STAC: variants seen among roughly 807,000 people sequenced by gnomAD.
STAC encodes SH3 and cysteine-rich domain-containing protein.
STAC carries 43 observed loss-of-function variants against 48.8 expected under a neutral mutation model. The ratio of observed to expected loss-of-function variants is 0.88; its 90% CI spans 0.69 to 1.14. STAC has a LOEUF of 1.14. Ranked by LOEUF, STAC falls within the 50% of genes most tolerant of loss-of-function variation. The pLI, the probability that STAC is intolerant of heterozygous loss-of-function variation, is 0.00. For missense variants in STAC, 497 were observed against 504.0 expected, an observed-to-expected ratio of 0.99 and a Z score of 0.13; for synonymous variants, 193 against 179.5, an observed-to-expected ratio of 1.07 and a Z score of -0.60.
intron 1 of STAC, among the ~76,000 whole-genome samples, chr3:36,388,675 A>G (rs184518777): frequency 2.3e-3 from 356 of 152,064 alleles, no homozygotes; most frequent in Non-Finnish European, 3.8e-3. Flanking sequence ...GAAGAAATCT[A>G]TTTTTTCCCA....
At chr3:36,385,377 T>C (rs1462531051) in intron 1 of STAC, among the ~76,000 whole-genome samples, 1 of 152,156 alleles carries the variant, frequency 6.6e-6, no homozygotes, top group Non-Finnish European at 1.5e-5. Context: ...TATTTGTATA[T>C]GTTTCTGATC....
intron 10 of STAC, among the ~76,000 whole-genome samples, chr3:36,541,945 G>A (rs1288187271): frequency 1.3e-5 from 2 of 152,100 alleles, no homozygotes; most frequent in Admixed American, 6.5e-5. Flanking sequence ...TTATCAGTAT[G>A]GGAAGAAAAT....
chr3:36,507,313 C>T (rs568909080), intron 8 of STAC, among the ~76,000 whole-genome samples: 1 of 152,076 alleles, frequency 6.6e-6, no homozygotes, highest in South Asian at 2.1e-4. Flanking sequence ...CTGCTGGATT[C>T]GGTTTGCCAG....
At chr3:36,538,118 A>C (rs578261093) in intron 10 of STAC, among the ~76,000 whole-genome samples, 26 of 152,178 alleles carry the variant, frequency 1.7e-4, no homozygotes, top group African/African-American at 6.3e-4. Flanking sequence ...TTCATGTCAA[A>C]CTTTTAATTC....
At chr3:36,413,205 G>C (rs1003674598) in intron 1 of STAC, among the ~76,000 whole-genome samples, 1 of 152,172 alleles carries the variant, frequency 6.6e-6, no homozygotes, top group Admixed American at 6.5e-5. Context: ...TTGGTGCAGA[G>C]CTGAGTTCAA....
intron 1 of STAC, among the ~76,000 whole-genome samples, chr3:36,398,924 T>G (rs1436589763): frequency 6.6e-6 from 1 of 152,142 alleles, no homozygotes; most frequent in African/African-American, 2.4e-5. Flanking sequence ...ATATAATTCA[T>G]GGAAGGTGTG....
At chr3:36,483,730 T>G (rs936455444) in intron 3 of STAC, among the ~76,000 whole-genome samples, 1 of 152,156 alleles carries the variant, frequency 6.6e-6, no homozygotes, top group Non-Finnish European at 1.5e-5. Flanking sequence ...GGTGGGTTGA[T>G]CCCTTAAGCC....
chr3:36,527,421 C>T (rs1356882503), intron 8 of STAC, among the ~76,000 whole-genome samples: 1 of 152,010 alleles, frequency 6.6e-6, no homozygotes, highest in African/African-American at 2.4e-5. Context: ...CCCTTAGAAA[C>T]TATTTTTTTC....
At chr3:36,489,134 G>A (rs1166706614) in intron 5 of STAC, among the ~76,000 whole-genome samples, 1 of 152,088 alleles carries the variant, frequency 6.6e-6, no homozygotes, top group Non-Finnish European at 1.5e-5. Flanking sequence ...CTTTCTTATA[G>A]AATATATATG....
At chr3:36,432,204 C>T (rs1221902835) in intron 1 of STAC, among the ~76,000 whole-genome samples, 1 of 152,228 alleles carries the variant, frequency 6.6e-6, no homozygotes, top group Non-Finnish European at 1.5e-5. Flanking sequence ...CACAACAAAT[C>T]TGCAGGGAAC....
chr3:36,495,422 T>C (rs1443325375), intron 6 of STAC, among the ~76,000 whole-genome samples: 1 of 152,200 alleles, frequency 6.6e-6, no homozygotes, highest in Non-Finnish European at 1.5e-5. Context: ...CTTCCCACAG[T>C]TGTCTCTGCT....
chr3:36,405,114 C>G (rs908520908), intron 1 of STAC, among the ~76,000 whole-genome samples: 1 of 152,092 alleles, frequency 6.6e-6, no homozygotes, highest in African/African-American at 2.4e-5. Context: ...TCAGGAGATC[C>G]CTGTGCCAGC....
At chr3:36,451,203 A>G (rs9917806) in intron 2 of STAC, among the ~76,000 whole-genome samples, 106,769 of 151,910 alleles carry the variant, frequency 0.7, 38,073 homozygotes, top group African/African-American at 0.82. Context: ...CTTTCGGCAG[A>G]TATATAATAT....
chr3:36,439,314 C>T (rs1696251955), intron 1 of STAC, among the ~76,000 whole-genome samples: 1 of 152,192 alleles, frequency 6.6e-6, no homozygotes, highest in Admixed American at 6.5e-5. Context: ...ATTCCTAGCT[C>T]CTTGGTTCCC....
At chr3:36,413,410 T>C (rs1310876949) in intron 1 of STAC, among the ~76,000 whole-genome samples, 1 of 152,228 alleles carries the variant, frequency 6.6e-6, no homozygotes, top group Non-Finnish European at 1.5e-5. Context: ...GTTGAATTGA[T>C]CCCTTTACCA....
intron 10 of STAC, among the ~76,000 whole-genome samples, chr3:36,534,246 T>C (rs185916622): frequency 1.3e-5 from 2 of 152,276 alleles, no homozygotes; most frequent in Non-Finnish European, 2.9e-5. Context: ...TCTCTTGAAC[T>C]TGATGTGAGA....
intron 1 of STAC, among the ~76,000 whole-genome samples, chr3:36,398,320 CAAGAAAGAAAGAAAGAAAGAAAGA>C (rs71288102): frequency 3.6e-5 from 3 of 82,244 alleles, no homozygotes; most frequent in Middle Eastern, 7.1e-3. Context: ...AGAAAGAAAG[CAAGAAAGAAAGAAAGAAAGAAAGA>C]AAGAAAGAAA....
At chr3:36,504,517 C>T in intron 7 of STAC, 60 bp downstream of exon 7, 1 of 1,487,520 alleles carries the variant, frequency 6.7e-7, no homozygotes, top group African/African-American at 1.4e-5. Context: ...ACCTGCAGGT[C>T]ACCATCCAAG....
At chr3:36,452,535 C>G (rs114961705) in intron 2 of STAC, among the ~76,000 whole-genome samples, 2 of 151,936 alleles carry the variant, frequency 1.3e-5, no homozygotes, top group Non-Finnish European at 2.9e-5. Context: ...TAATAGTTGG[C>G]CAATATGAAT....
Sources: gnomAD v4.1 joint callset for allele counts (sites outside exome capture counted in the v4.1 genomes callset) on GRCh38, gnomAD v4.1.1 for gene constraint, MANE v1.5 for transcripts, NCBI Gene and HGNC (gene_info 2026-07-23, HGNC 2026-07-21) for gene names.